BEAN1: variants seen among roughly 807,000 people sequenced by gnomAD.
BEAN1 encodes brain expressed associated with NEDD4 1, also known as protein BEAN1.
A neutral mutation model predicts 17.7 loss-of-function variants in BEAN1; 17 were observed. The ratio of observed to expected loss-of-function variants is 0.96; its 90% CI spans 0.66 to 1.44. The LOEUF (loss-of-function observed/expected upper bound fraction) is 1.44. BEAN1 is among the 40% of genes most tolerant of loss of function. BEAN1 has a pLI of 0.00. For synonymous variants in BEAN1, 142 were observed against 151.8 expected (o/e 0.94, Z 0.47); for missense variants, 359 against 374.1 (o/e 0.96, Z 0.33).
chr16:66,476,222 C>T (rs1012154327), intron 3 of BEAN1: 1 of 152,156 alleles, frequency 6.6e-6, no homozygotes, highest in Admixed American at 6.5e-5. Flanking sequence ...CTTCTGAGAG[C>T]TTTCTCGGTG....
chr16:66,486,635 C>T (rs1204708519), downstream of BEAN1, among the ~76,000 whole-genome samples: 3 of 152,174 alleles, frequency 2.0e-5, no homozygotes, highest in African/African-American at 7.2e-5. Context: ...ATCTCCCCTC[C>T]CTGCCTGCCA....
chr16:66,435,629 A>G (rs2142375008), intron 1 of BEAN1, among the ~76,000 whole-genome samples: 1 of 152,286 alleles, frequency 6.6e-6, no homozygotes, highest in African/African-American at 2.4e-5. Flanking sequence ...CTGGGATCAC[A>G]GGCACATGCC....
chr16:66,463,245 T>C (rs1156812918), intron 2 of BEAN1, among the ~76,000 whole-genome samples: 1 of 152,224 alleles, frequency 6.6e-6, no homozygotes, highest in African/African-American at 2.4e-5. Context: ...AGCTGTACCA[T>C]TCTACATTCC....
chr16:66,476,877 G>T (rs1047010020), intron 3 of BEAN1, among the ~76,000 whole-genome samples: 6 of 151,170 alleles, frequency 4.0e-5, no homozygotes, highest in Admixed American at 2.7e-4. Context: ...CTGGTGCATG[G>T]TAAAAAATGC....
At chr16:66,428,891 C>T (rs560109535) in intron 1 of BEAN1, among the ~76,000 whole-genome samples, 1 of 152,270 alleles carries the variant, frequency 6.6e-6, no homozygotes, top group African/African-American at 2.4e-5. Context: ...CTTTCTCAGA[C>T]GCTCCCTCCT....
intron 2 of BEAN1, among the ~76,000 whole-genome samples, chr16:66,443,119 TCTCTAGC>T (rs1240991086): frequency 1.3e-5 from 2 of 152,210 alleles, no homozygotes; most frequent in African/African-American, 2.4e-5. Flanking sequence ...TGCCCAATGA[TCTCTAGC>T]CTGTGAAATG....
intron 2 of BEAN1, among the ~76,000 whole-genome samples, chr16:66,440,447 G>A (rs1180470651): frequency 6.6e-6 from 1 of 152,144 alleles, no homozygotes; most frequent in African/African-American, 2.4e-5. Flanking sequence ...GGGTGCTTCT[G>A]TTTGTGATGA....
chr16:66,489,806 G>A (rs1019453759), intron 4 of BEAN1, among the ~76,000 whole-genome samples: 2 of 152,156 alleles, frequency 1.3e-5, no homozygotes, highest in African/African-American at 2.4e-5. Context: ...AAGGGGTTGT[G>A]CTGCTGAACT....
intron 2 of BEAN1, among the ~76,000 whole-genome samples, chr16:66,466,075 A>G (rs1251363855): frequency 6.6e-6 from 1 of 152,140 alleles, no homozygotes; most frequent in East Asian, 1.9e-4. Context: ...CGGCCTCCCA[A>G]AGTGCTGGGA....
At position 66,473,022 on chromosome 16, in the gene BEAN1, T is replaced by TA. The variant is rs945680502; in HGVS notation, c.289+3164dup. On this transcript the variant is annotated intron_variant, in intron 3 of 4. Transcript: ENST00000536005. The surrounding 1 kb of genome is among the most constrained non-coding windows in gnomAD (Gnocchi z 4.5). ...TGACAGCAGAGAGAGACCCTGTCTC[T>TA]AAAAAAATAAAAAAATTAAGACTGG... Among the ~76,000 whole-genome samples, 19 of 152,026 alleles carry TA rather than the reference T, an allele frequency of 1.2e-4. No homozygotes were observed. The highest frequency in any genetic ancestry group is 2.6e-4 in the Admixed American group (4 of 15,280).
chr16:66,430,228 G>A (rs985214377), intron 1 of BEAN1, among the ~76,000 whole-genome samples: 1 of 152,250 alleles, frequency 6.6e-6, no homozygotes, highest in Non-Finnish European at 1.5e-5. Flanking sequence ...ACATAGCCAT[G>A]TCCAGTGGAC....
rs1197266709 is a variant in BEAN1 at position 66,482,113 on chromosome 16, G to C, written c.*1188G>C. The C allele has an allele frequency of 3.3e-5, 5 of 152,276 alleles. No individual in the cohort carries two copies. Among genetic ancestry groups the C allele is most frequent in the Non-Finnish European group, 4.4e-5 (3 of 68,084 alleles). The allele number at this position is 152,276 out of a possible 1,614,324, so 9.4% of individuals were successfully genotyped here. On this transcript the variant is annotated 3_prime_UTR_variant, in exon 5 of 5. Transcript: ENST00000536005. ...CTGCAGAAAGGCTGGCTCAGATCTT[G>C]ACCAAGAAACCCCAGCGATTTCCAT...
intron 2 of BEAN1, among the ~76,000 whole-genome samples, chr16:66,460,155 T>C (rs11644279): frequency 0.15 from 22,328 of 152,222 alleles, 2,030 homozygotes; most frequent in South Asian, 0.24. Context: ...ACCCTCCTGG[T>C]GTTCTCAGTC....
At chr16:66,454,880 T>C (rs1962809717) in intron 2 of BEAN1, among the ~76,000 whole-genome samples, 1 of 152,106 alleles carries the variant, frequency 6.6e-6, no homozygotes, top group East Asian at 1.9e-4. Context: ...GGGAAGCTGC[T>C]GGTTTTCACA....
At chr16:66,440,410 C>T (rs1045446248) in intron 2 of BEAN1, among the ~76,000 whole-genome samples, 2 of 152,196 alleles carry the variant, frequency 1.3e-5, no homozygotes, top group Admixed American at 6.5e-5. Context: ...GGATTACAGG[C>T]GTGAGCCACA....
intron 1 of BEAN1, among the ~76,000 whole-genome samples, chr16:66,430,250 G>A (rs1482634757): frequency 6.6e-6 from 1 of 152,216 alleles, no homozygotes; most frequent in East Asian, 1.9e-4. Flanking sequence ...TCTGCCAGTG[G>A]CCTGCAGTGT....
chr16:66,433,591 C>T (rs1405541514), intron 1 of BEAN1, among the ~76,000 whole-genome samples: 2 of 148,086 alleles, frequency 1.4e-5, no homozygotes, highest in Non-Finnish European at 3.0e-5. Flanking sequence ...AGCAATCCTG[C>T]TTCAAATCCT....
intron 4 of BEAN1, among the ~76,000 whole-genome samples, chr16:66,490,396 C>CAATAAAATAA (rs202234411): frequency 0.094 from 6,327 of 67,494 alleles, 652 homozygotes; most frequent in Middle Eastern, 0.11. Flanking sequence ...GACTCTGTTT[C>CAATAAAATAA]AATAAAATAA....
chr16:66,478,597 G>A (rs943971913), intron 4 of BEAN1, among the ~76,000 whole-genome samples: 2 of 151,960 alleles, frequency 1.3e-5, no homozygotes, highest in African/African-American at 2.4e-5. Flanking sequence ...GTGAGACTTC[G>A]TCTCAAAAAA....
Sources: gnomAD v4.1 joint callset for allele counts (sites outside exome capture counted in the v4.1 genomes callset) on GRCh38, gnomAD v4.1.1 for gene constraint, Gnocchi (gnomAD v3.1) non-coding constraint, MANE v1.5 for transcripts, NCBI Gene and HGNC (gene_info 2026-07-23, HGNC 2026-07-21) for gene names.